Variants in PIP5K1A observed in about 807,000 individuals in gnomAD.
PIP5K1A encodes the protein phosphatidylinositol-4-phosphate 5-kinase type 1 alpha, also known as phosphatidylinositol 4-phosphate 5-kinase type-1 alpha.
A neutral mutation model predicts 72.9 loss-of-function variants in PIP5K1A; 46 were observed. The ratio of observed to expected loss-of-function variants is 0.63; its 90% CI spans 0.50 to 0.81. PIP5K1A has a LOEUF of 0.81. Ranked by LOEUF, PIP5K1A falls within the 30% of genes least tolerant of loss-of-function variation. The pLI, the probability that PIP5K1A is intolerant of heterozygous loss-of-function variation, is 0.00. For synonymous variants in PIP5K1A, 228 were observed against 255.1 expected (o/e 0.89, Z 1.01); for missense variants, 458 against 706.1 (o/e 0.65, Z 3.98).
chr1:151,245,233 G>A (rs913647220), intron 14 of PIP5K1A, among the ~76,000 whole-genome samples: 1 of 152,102 alleles, frequency 6.6e-6, no homozygotes, highest in Non-Finnish European at 1.5e-5. Context: ...TAGCTAGATT[G>A]TCCAATTCAT....
At position 151,231,664 on chromosome 1, in the gene PIP5K1A, T is replaced by G. The variant is rs1471687134; in HGVS notation, c.238-7T>G. On this transcript the variant is annotated splice_region_variant and splice_polypyrimidine_tract_variant and intron_variant, in intron 4 of 15. Coordinates refer to ENST00000368888, the MANE Select transcript of PIP5K1A (RefSeq NM_001135638.2). ...GGAATTTTCTTCTCATTTCTCTTGT[T>G]TCTCAGACAACCTCATCAGCCTTGA... is the stretch of plus-strand genomic sequence containing the variant. The G allele has an allele frequency of 1.9e-6, 3 of 1,613,606 alleles. No individual in the cohort carries two copies. In the African/African-American group the frequency reaches 4.0e-5, roughly 22 times the overall value.
In PIP5K1A at chr1:151,226,644, T is replaced by C. The variant is rs185221133; in HGVS notation, c.157-676T>C. Among the ~76,000 whole-genome samples the C allele has an allele frequency of 4.8e-3, 660 of 136,092 alleles. 6 individuals carry two copies. Among genetic ancestry groups the C allele is most frequent in the African/African-American group, 0.018 (627 of 35,700 alleles). 89.3% of individuals were successfully genotyped at this position (136,092 alleles called of 152,430 possible). The stretch of plus-strand genomic sequence containing the variant: ...TGGAGAATCGCTTGAACCCGGGAGG[T>C]GGAGGTTGCAGTGAGCCGAGATCGT... On this transcript the variant is annotated intron_variant, in intron 3 of 15. Transcript: ENST00000368888.
At chr1:151,199,501 C>T (rs1164635756) in intron 1 of PIP5K1A, among the ~76,000 whole-genome samples, 1 of 151,874 alleles carries the variant, frequency 6.6e-6, no homozygotes, top group Non-Finnish European at 1.5e-5. Flanking sequence ...GTAATCCCAG[C>T]TACTTGGGAG....
At chr1:151,239,239 G>T (rs1423162720) in intron 11 of PIP5K1A, 61 bp downstream of exon 11, 2 of 1,071,168 alleles carry the variant, frequency 1.9e-6, no homozygotes, top group African/African-American at 1.6e-5. Flanking sequence ...CTTCTGATTG[G>T]CCTCAGTTTC....
intron 1 of PIP5K1A, among the ~76,000 whole-genome samples, chr1:151,213,083 G>A (rs1160646862): frequency 3.9e-5 from 6 of 151,990 alleles, no homozygotes; most frequent in Admixed American, 6.6e-5. Flanking sequence ...TAGTAGAGAC[G>A]GGGTTTCACT....
chr1:151,226,932 C>T (rs940845798), intron 3 of PIP5K1A, among the ~76,000 whole-genome samples: 5 of 151,974 alleles, frequency 3.3e-5, no homozygotes, highest in Admixed American at 1.3e-4. Flanking sequence ...GAGGCTGAGG[C>T]GAGAGAATTG....
In PIP5K1A at chr1:151,224,250, T is replaced by G. The variant is rs1257452370; in HGVS notation, c.91T>G (p.Ser31Ala). ...VPSCTLSSAA[S>A]GIKRPMASEV... Reference sequence around the variant, plus strand: ...TGTTTTTTTTTCCCCCCTAGCAGCATCTGGAATCAAGAGACCCATGGCATC... The same window carrying G: ...TGTTTTTTTTTCCCCCCTAGCAGCAGCTGGAATCAAGAGACCCATGGCATC... The change falls in exon 2 of 16, where the codon TCT becomes GCT. Residue 31 changes from serine (S) to alanine (A), a missense_variant. By Grantham distance (99) the Ser-to-Ala change is moderately conservative (BLOSUM62 1). Coordinates refer to ENST00000368888, the MANE Select transcript of PIP5K1A (RefSeq NM_001135638.2). 3.1e-6 allele frequency: 5 copies of G among 1,613,040 alleles called. No individual in the cohort carries two copies. Among genetic ancestry groups the G allele is most frequent in the Non-Finnish European group, 2.5e-6 (3 of 1,179,128 alleles).
chr1:151,207,176 A>G (rs1169550296), intron 1 of PIP5K1A, among the ~76,000 whole-genome samples: 2 of 152,058 alleles, frequency 1.3e-5, no homozygotes, highest in Admixed American at 1.3e-4. Context: ...GGTCTGAAAT[A>G]TGTTCATTTT....
intron 14 of PIP5K1A, among the ~76,000 whole-genome samples, chr1:151,245,361 C>A (rs1157051464): frequency 6.6e-6 from 1 of 152,160 alleles, no homozygotes; most frequent in Non-Finnish European, 1.5e-5. Context: ...TCACTTTAAG[C>A]CCTCACTGGT....
chr1:151,239,182 A>G lies in PIP5K1A; in HGVS notation c.1278+4A>G. On this transcript the variant is annotated splice_donor_region_variant and intron_variant, in intron 11 of 15. Coordinates refer to ENST00000368888, the MANE Select transcript of PIP5K1A (RefSeq NM_001135638.2). ...GAAAGCCCTGGTACATGACGGAGTA[A>G]GTAGTAATACTAGAGGCTCTCTTAC... 6.3e-7 allele frequency: 1 copy of G among 1,593,696 alleles called. No individual in the cohort carries two copies. Among genetic ancestry groups the G allele is most frequent in the Non-Finnish European group, 8.6e-7 (1 of 1,161,678 alleles).
chr1:151,230,627 C>T (rs748244644), intron 4 of PIP5K1A, among the ~76,000 whole-genome samples: 11 of 152,170 alleles, frequency 7.2e-5, no homozygotes, highest in Admixed American at 6.5e-5. Context: ...CTGCAGCCTC[C>T]GCCTCCCAGC....
intron 1 of PIP5K1A, among the ~76,000 whole-genome samples, chr1:151,215,337 C>CT (rs34641426): frequency 0.27 from 38,310 of 142,390 alleles, 6,311 homozygotes; most frequent in Non-Finnish European, 0.37. Context: ...CGCACCCGGC[C>CT]TTTTTTTTTT....
At chr1:151,213,120 A>AC (rs1687086786) in intron 1 of PIP5K1A, among the ~76,000 whole-genome samples, 2 of 151,820 alleles carry the variant, frequency 1.3e-5, no homozygotes, top group African/African-American at 4.8e-5. Flanking sequence ...TCTCGATCTG[A>AC]CCTTGTGATT....
chr1:151,213,833 C>T (rs1166280579), intron 1 of PIP5K1A, among the ~76,000 whole-genome samples: 1 of 151,910 alleles, frequency 6.6e-6, no homozygotes, highest in Non-Finnish European at 1.5e-5. Flanking sequence ...ACAGTAAAGC[C>T]ATTCCTTTAA....
intron 1 of PIP5K1A, among the ~76,000 whole-genome samples, chr1:151,220,605 T>C (rs1287386745): frequency 6.6e-6 from 1 of 152,200 alleles, no homozygotes; most frequent in South Asian, 2.1e-4. Context: ...TATTTGGGAT[T>C]ACAGGCGCCC....
intron 1 of PIP5K1A, among the ~76,000 whole-genome samples, chr1:151,222,073 T>A (rs933350356): frequency 6.6e-6 from 1 of 152,168 alleles, no homozygotes; most frequent in African/African-American, 2.4e-5. Context: ...GGTGACATTG[T>A]GAGACCATGT....
rs1359404696 is a variant in PIP5K1A, at chr1:151,246,837, C to G, written c.1641-83C>G. The G allele has an allele frequency of 3.2e-6, 3 of 940,514 alleles. No homozygotes were observed. In the East Asian group the frequency reaches 7.5e-5, roughly 23 times the overall value. 58.3% of individuals were successfully genotyped at this position (940,514 alleles called of 1,614,324 possible). A position where few individuals can be genotyped will look rare whatever the true frequency, so the allele number is the denominator to read the frequency against. On this transcript the variant is annotated intron_variant, in intron 14 of 15. Coordinates refer to ENST00000368888, the MANE Select transcript of PIP5K1A (RefSeq NM_001135638.2). Reference sequence around the variant, plus strand: ...GATTCCAAAGTGAAAATTAGAGAAGCAGTATGAGATTTAAAAGGAGAGTCC... The same window carrying G: ...GATTCCAAAGTGAAAATTAGAGAAGGAGTATGAGATTTAAAAGGAGAGTCC...
chr1:151,199,351 G>T (rs1350206859), intron 1 of PIP5K1A, among the ~76,000 whole-genome samples: 1 of 152,154 alleles, frequency 6.6e-6, no homozygotes, highest in Non-Finnish European at 1.5e-5. Flanking sequence ...GGTGGCTCAC[G>T]CCTGTAATCT....
At chr1:151,215,333 C>T (rs1463910401) in intron 1 of PIP5K1A, among the ~76,000 whole-genome samples, 4 of 144,920 alleles carry the variant, frequency 2.8e-5, no homozygotes, top group African/African-American at 7.3e-5. Context: ...CCACCGCACC[C>T]GGCCTTTTTT....
Sources: allele counts gnomAD v4.1 joint callset (sites outside exome capture counted in the v4.1 genomes callset), GRCh38; gene constraint gnomAD v4.1.1; transcripts MANE v1.5; gene names NCBI Gene and HGNC (gene_info 2026-07-23, HGNC 2026-07-21).